The following BCAR3 variants were observed in gnomAD, a reference collection of about 807,000 sequenced individuals.
BCAR3 encodes the protein breast cancer anti-estrogen resistance protein 3.
A neutral mutation model predicts 80.1 loss-of-function variants in BCAR3; 37 were observed. The ratio of observed to expected loss-of-function variants is 0.46; its 90% confidence interval spans 0.36 to 0.61. BCAR3 has a LOEUF of 0.61. Among genes scored for constraint, BCAR3 ranks in the 20% least tolerant of loss-of-function variants. The pLI, the probability that BCAR3 is intolerant of heterozygous loss-of-function variation, is 0.00. For synonymous variants in BCAR3, 389 were observed against 418.9 expected (o/e 0.93, Z 0.87); for missense variants, 978 against 1,068.2 (o/e 0.92, Z 1.18).
At chr1:93,620,141 C>T (rs1002037670) in intron 3 of BCAR3, among the ~76,000 whole-genome samples, 8 of 152,196 alleles carry the variant, frequency 5.3e-5, no homozygotes, top group Non-Finnish European at 8.8e-5. Context: ...ACAGGAACCA[C>T]GCCTGTAGCC....
intron 11 of BCAR3, among the ~76,000 whole-genome samples, chr1:93,563,881 A>G (rs1277857085): frequency 2.0e-5 from 3 of 151,948 alleles, no homozygotes; most frequent in African/African-American, 7.3e-5. Flanking sequence ...TTCAGTAGAG[A>G]CGGGGTTTTG....
At chr1:93,625,747 C>T (rs1179374245) in intron 3 of BCAR3, among the ~76,000 whole-genome samples, 2 of 152,216 alleles carry the variant, frequency 1.3e-5, no homozygotes, top group Non-Finnish European at 2.9e-5. Flanking sequence ...AGCATGTTCT[C>T]ATTCCCAGGG....
intron 1 of BCAR3, among the ~76,000 whole-genome samples, chr1:93,676,123 A>G (rs751255199): frequency 1.5e-4 from 23 of 151,978 alleles, no homozygotes; most frequent in Non-Finnish European, 3.1e-4. Flanking sequence ...CTCTTTCCTC[A>G]CAAACCACCC....
At chr1:93,620,956 T>C (rs1675287580) in intron 3 of BCAR3, among the ~76,000 whole-genome samples, 2 of 152,204 alleles carry the variant, frequency 1.3e-5, no homozygotes, top group South Asian at 4.1e-4. Flanking sequence ...AGTGCATTCT[T>C]CTAAAGCCAC....
At chr1:93,591,972 C>T (rs759993465) in intron 4 of BCAR3, among the ~76,000 whole-genome samples, 3 of 152,224 alleles carry the variant, frequency 2.0e-5, no homozygotes, top group Non-Finnish European at 2.9e-5. Flanking sequence ...CTAGTTCTTC[C>T]GGTTACTGAC....
chr1:93,612,182 G>GT (rs1674969917), intron 3 of BCAR3, among the ~76,000 whole-genome samples: 1 of 152,142 alleles, frequency 6.6e-6, no homozygotes, highest in Non-Finnish European at 1.5e-5. Context: ...CATCTTGAGG[G>GT]TGCAGTTGGT....
chr1:93,661,026 G>A (rs928268368), intron 2 of BCAR3, among the ~76,000 whole-genome samples: 6 of 151,726 alleles, frequency 4.0e-5, no homozygotes, highest in Admixed American at 2.6e-4. Flanking sequence ...ACAGGCACCC[G>A]CCACCATGCC....
At chr1:93,609,563 A>G (rs1674889561) in intron 3 of BCAR3, among the ~76,000 whole-genome samples, 1 of 152,208 alleles carries the variant, frequency 6.6e-6, no homozygotes, top group South Asian at 2.1e-4. Flanking sequence ...CCACAAAAAT[A>G]CCTAAATAAA....
chr1:93,722,944 G>A (rs1571074422), intron 2 of BCAR3, among the ~76,000 whole-genome samples: 2 of 152,176 alleles, frequency 1.3e-5, no homozygotes, highest in Admixed American at 6.5e-5. Context: ...TCAAATAGAT[G>A]GGGGTTGAGA....
At chr1:93,737,007 C>T (rs1202750484) in intron 2 of BCAR3, among the ~76,000 whole-genome samples, 1 of 152,188 alleles carries the variant, frequency 6.6e-6, no homozygotes, top group Non-Finnish European at 1.5e-5. Flanking sequence ...GGCTCTCTAA[C>T]CTGAGTTTTA....
intron 8 of BCAR3, among the ~76,000 whole-genome samples, chr1:93,573,637 T>A (rs1237264484): frequency 3.4e-5 from 5 of 145,254 alleles, no homozygotes; most frequent in African/African-American, 1.3e-4. Context: ...ATTATTATTT[T>A]TTTTTTTTTG....
At chr1:93,797,449 T>C (rs1238919576) in intron 2 of BCAR3, among the ~76,000 whole-genome samples, 1 of 152,180 alleles carries the variant, frequency 6.6e-6, no homozygotes, top group Non-Finnish European at 1.5e-5. Context: ...AAAAGAAGTT[T>C]AGTTAAGCTT....
intron 2 of BCAR3, among the ~76,000 whole-genome samples, chr1:93,824,167 G>A (rs1654310039): frequency 7.5e-6 from 1 of 133,860 alleles, no homozygotes; most frequent in Non-Finnish European, 1.7e-5. Context: ...CCCCAGGTCT[G>A]GCCAACGTGG....
chr1:93,571,661 G>A lies in BCAR3; in HGVS notation c.1974+9C>T. 1 of 1,614,084 alleles carries A rather than the reference G, an allele frequency of 6.2e-7. No homozygotes were observed. The highest frequency in any genetic ancestry group is 8.5e-7 in the Non-Finnish European group (1 of 1,179,960). ...ACATTAAGTACACATAAAGTAATTGGAAATTTACCTGTGGCATTTCCAGGG... is the reference window on the plus strand; with the variant it reads ...ACATTAAGTACACATAAAGTAATTGAAAATTTACCTGTGGCATTTCCAGGG... On this transcript the variant is annotated intron_variant, in intron 9 of 11. Coordinates refer to ENST00000260502, the MANE Select transcript of BCAR3 (RefSeq NM_003567.4).
chr1:93,575,986 C>T (rs369333049), intron 8 of BCAR3, 28 bp downstream of exon 8: 150 of 1,589,964 alleles, frequency 9.4e-5, no homozygotes, highest in South Asian at 4.9e-4. Context: ...CTGGGAGGGT[C>T]GGAAGTGCAG....
intron 11 of BCAR3, among the ~76,000 whole-genome samples, chr1:93,563,105 G>GT: frequency 6.6e-6 from 1 of 152,272 alleles, no homozygotes; most frequent in South Asian, 2.1e-4. Flanking sequence ...TGATTCACCT[G>GT]TTTTTGGCTG....
intron 2 of BCAR3, among the ~76,000 whole-genome samples, chr1:93,835,597 CCTGA>C (rs1654736542): frequency 6.6e-6 from 1 of 152,202 alleles, no homozygotes. Context: ...AAGCCGCTAG[CCTGA>C]CTCTTAGAAC....
Position 93,745,982 on chromosome 1 carries a change from A to G in BCAR3, c.-62-39840T>C, listed in dbSNP as rs554584471. On this transcript the variant is annotated intron_variant, in intron 2 of 13. Coordinates refer to the BCAR3 transcript ENST00000370244. ...AACTCTTCAGAAGATAGAAGCTTTTATTCACTTAAACATAGTATTTGTGTG... is the reference window on the plus strand; with the variant it reads ...AACTCTTCAGAAGATAGAAGCTTTTGTTCACTTAAACATAGTATTTGTGTG... Among the ~76,000 whole-genome samples the G allele has an allele frequency of 3.9e-5, 6 of 152,370 alleles. No homozygotes were observed. In the East Asian group the frequency reaches 1.2e-3, roughly 29 times the overall value.
chr1:93,608,867 A>G (rs1003218044), intron 3 of BCAR3, among the ~76,000 whole-genome samples: 1 of 152,266 alleles, frequency 6.6e-6, no homozygotes. Flanking sequence ...GGGCTGAGTT[A>G]CTTGGAAAGA....
Sources: allele counts gnomAD v4.1 joint callset (sites outside exome capture counted in the v4.1 genomes callset), GRCh38; gene constraint gnomAD v4.1.1; transcripts MANE v1.5; gene names NCBI Gene and HGNC (gene_info 2026-07-23, HGNC 2026-07-21).